Variants in COG5 observed in about 807,000 individuals in gnomAD.
COG5 encodes the protein conserved oligomeric Golgi complex subunit 5.
Under a neutral mutation model 110.4 loss-of-function variants are expected in COG5, and 86 were observed. That is an observed-to-expected ratio of 0.78 (90% confidence interval 0.65 to 0.93). The LOEUF is 0.93. Ranked by LOEUF, COG5 falls within the 40% of genes least tolerant of loss-of-function variation. The probability of loss-of-function intolerance (pLI) is 0.00; values close to 1 mark genes in which losing one functional copy is unlikely to be tolerated. For missense variants in COG5, 1,077 were observed against 987.0 expected, an observed-to-expected ratio of 1.09 and a Z score of -1.22; for synonymous variants, 360 against 334.6, an observed-to-expected ratio of 1.08 and a Z score of -0.83.
intron 8 of COG5, among the ~76,000 whole-genome samples, chr7:107,366,633 T>C (rs566841107): frequency 6.6e-6 from 1 of 152,170 alleles, no homozygotes; most frequent in South Asian, 2.1e-4. Context: ...TAGTGTGGGA[T>C]AAAAATCTGA....
chr7:107,547,254 AGAAT>A lies in COG5; in HGVS notation c.417+853_417+856del, dbSNP rs1802519165. Among the ~76,000 whole-genome samples, 5 of 152,342 alleles carry A rather than the reference AGAAT, an allele frequency of 3.3e-5. No homozygotes were observed. The South Asian group carries it at 1.0e-3, about 32-fold the overall frequency. ...TCAATAAATGATATACCACACTAAC[AGAAT>A]GAAAGACAAAAATCATATGATCATT... On this transcript the variant is annotated intron_variant, in intron 5 of 21. Transcript: ENST00000297135.
chr7:107,417,530 T>C (rs970160908), intron 6 of COG5, among the ~76,000 whole-genome samples: 2 of 152,112 alleles, frequency 1.3e-5, no homozygotes, highest in African/African-American at 4.8e-5. Flanking sequence ...TTTATAAAGA[T>C]TTTCAATATC....
chr7:107,207,742 C>T, intron 21 of COG5: 1 of 984,294 alleles, frequency 1.0e-6, no homozygotes, highest in Non-Finnish European at 1.2e-6. Context: ...ATTTACACCA[C>T]TTGGTCCCAT....
At chr7:107,476,835 T>C (rs1166745738) in intron 6 of COG5, among the ~76,000 whole-genome samples, 1 of 151,640 alleles carries the variant, frequency 6.6e-6, no homozygotes, top group Non-Finnish European at 1.5e-5. Context: ...TATATCACTT[T>C]TATATAAATA....
At chr7:107,513,958 T>A (rs998240618) in intron 6 of COG5, among the ~76,000 whole-genome samples, 2 of 151,690 alleles carry the variant, frequency 1.3e-5, no homozygotes, top group Admixed American at 1.3e-4. Flanking sequence ...AAATGACGAG[T>A]TAATGGGTGC....
In COG5 at chr7:107,201,379, G is replaced by C. The variant is rs1346629030; in HGVS notation, c.*2137C>G. ...ATATAGGATTACTATGTATTGATTTGTAAACATTCACTGAGTTTAATTTTA... is the reference window on the plus strand; with the variant it reads ...ATATAGGATTACTATGTATTGATTTCTAAACATTCACTGAGTTTAATTTTA... On this transcript the variant is annotated 3_prime_UTR_variant, in exon 22 of 22. Coordinates refer to ENST00000297135, the MANE Select transcript of COG5 (RefSeq NM_006348.5). The C allele has an allele frequency of 1.4e-6, 2 of 1,424,302 alleles. No individual in the cohort carries two copies. The highest frequency in any genetic ancestry group is 9.9e-7 in the Non-Finnish European group (1 of 1,011,166). The allele number at this position is 1,424,302 out of a possible 1,614,324, so 88.2% of individuals were successfully genotyped here.
At chr7:107,250,271 C>T (rs1802396007) in intron 16 of COG5, among the ~76,000 whole-genome samples, 1 of 152,106 alleles carries the variant, frequency 6.6e-6, no homozygotes, top group Non-Finnish European at 1.5e-5. Context: ...CACGAGTCTT[C>T]AGCTAACTAT....
chr7:107,415,842 GTATA>G (rs201210358), intron 6 of COG5, among the ~76,000 whole-genome samples: 1 of 52,484 alleles, frequency 1.9e-5, no homozygotes, highest in African/African-American at 2.0e-4. Context: ...GTATGTGTGT[GTATA>G]TATACACACA....
At chr7:107,338,811 A>G (rs1338403957) in intron 10 of COG5, among the ~76,000 whole-genome samples, 1 of 152,158 alleles carries the variant, frequency 6.6e-6, no homozygotes, top group African/African-American at 2.4e-5. Context: ...ATTTTTCTCC[A>G]AAGATGATAT....
At chr7:107,382,376 T>C (rs1815198775) in intron 7 of COG5, among the ~76,000 whole-genome samples, 1 of 152,216 alleles carries the variant, frequency 6.6e-6, no homozygotes, top group African/African-American at 2.4e-5. Flanking sequence ...GAAATAATTA[T>C]TCTTGCTGCA....
chr7:107,353,481 G>A (rs984645420), intron 10 of COG5, among the ~76,000 whole-genome samples: 2 of 150,192 alleles, frequency 1.3e-5, no homozygotes, highest in Non-Finnish European at 1.5e-5. Flanking sequence ...AATATTCAAC[G>A]TTAAAATGCC....
At position 107,558,051 on chromosome 7, in the gene COG5, A is replaced by G. The variant is rs368148545; in HGVS notation, c.159T>C (p.His53=). 1.6e-5 allele frequency: 26 copies of G among 1,613,766 alleles called. No homozygotes were observed. The highest frequency in any genetic ancestry group is 2.1e-5 in the Non-Finnish European group (25 of 1,179,822). Reference sequence around the variant, plus strand: ...CTAGTTGTTCAGCAATTACAGCTTGATGAATAGATTGAGAAGTATAAGTCT... The same window carrying G: ...CTAGTTGTTCAGCAATTACAGCTTGGTGAATAGATTGAGAAGTATAAGTCT... ...DVKTYTSQSI[H]QAVIAEQLAK... is the part of the protein sequence containing the mutation. Residue 53 remains histidine, a synonymous_variant, in exon 2 of 22, where the codon CAT becomes CAC. Transcript: ENST00000297135.
In COG5 at chr7:107,536,066, T is replaced by C. The variant is rs568914931; in HGVS notation, c.418-8709A>G. Among the ~76,000 whole-genome samples the C allele has an allele frequency of 5.3e-5, 8 of 152,278 alleles. No individual in the cohort carries two copies. The East Asian group carries it at 1.3e-3, about 26-fold the overall frequency. On this transcript the variant is annotated intron_variant, in intron 5 of 21. Coordinates refer to ENST00000297135, the MANE Select transcript of COG5 (RefSeq NM_006348.5). ...ACCAATGACAAAAACCACATGATTA[T>C]CTCAACAGATGCAGAAAAGGCCACA...
intron 17 of COG5, among the ~76,000 whole-genome samples, chr7:107,238,061 C>A (rs1801337102): frequency 6.6e-6 from 1 of 152,094 alleles, no homozygotes; most frequent in Admixed American, 6.6e-5. Flanking sequence ...TGTGGAATGA[C>A]TGAATCAAGG....
chr7:107,443,615 T>C (rs77091983), intron 6 of COG5, among the ~76,000 whole-genome samples: 143 of 152,052 alleles, frequency 9.4e-4, no homozygotes, highest in East Asian at 1.9e-3. Context: ...CTTTAAATTA[T>C]GCTGCTAATA....
chr7:107,356,401 C>T (rs987079821), intron 10 of COG5, among the ~76,000 whole-genome samples: 1 of 152,144 alleles, frequency 6.6e-6, no homozygotes, highest in Admixed American at 6.5e-5. Flanking sequence ...GTACAGACTA[C>T]TGCTTGTACA....
At position 107,474,999 on chromosome 7, in the gene COG5, G is replaced by T; in HGVS notation, c.538+52238C>A. On this transcript the variant is annotated intron_variant, in intron 6 of 21. Coordinates refer to ENST00000297135, the MANE Select transcript of COG5 (RefSeq NM_006348.5). The surrounding 1 kb of genome is among the most constrained non-coding windows in gnomAD (Gnocchi z 5.7). ...GAGAAAGACAAAAGAGAGTCTTCAGGATGTCTTTATTGATTATTTCTACAT... is the reference window on the plus strand; with the variant it reads ...GAGAAAGACAAAAGAGAGTCTTCAGTATGTCTTTATTGATTATTTCTACAT... 1 of 1,612,476 alleles carries T rather than the reference G, an allele frequency of 6.2e-7. No homozygotes were observed. Among genetic ancestry groups the T allele is most frequent in the Non-Finnish European group, 8.5e-7 (1 of 1,179,012 alleles).
At chr7:107,520,637 A>G (rs1254498180) in intron 6 of COG5, among the ~76,000 whole-genome samples, 1 of 152,240 alleles carries the variant, frequency 6.6e-6, no homozygotes, top group African/African-American at 2.4e-5. Context: ...GCTCAAGGCA[A>G]TAAGAGAAGA....
chr7:107,516,405 CCA>C (rs1799926539), intron 6 of COG5, among the ~76,000 whole-genome samples: 2 of 152,146 alleles, frequency 1.3e-5, no homozygotes, highest in African/African-American at 4.8e-5. Flanking sequence ...TTCTCCTTGT[CCA>C]CAGTTTGTCT....
Sources: gnomAD v4.1 joint callset for allele counts (sites outside exome capture counted in the v4.1 genomes callset) on GRCh38, gnomAD v4.1.1 for gene constraint, Gnocchi (gnomAD v3.1) non-coding constraint, MANE v1.5 for transcripts, NCBI Gene and HGNC (gene_info 2026-07-23, HGNC 2026-07-21) for gene names.